Variants in SYT9 observed in about 807,000 individuals in gnomAD.
SYT9 encodes synaptotagmin-9.
Under a neutral mutation model 48.4 loss-of-function variants are expected in SYT9, and 22 were observed. The observed-to-expected ratio is 0.45, with a 90% confidence interval of 0.32 to 0.65. The LOEUF (loss-of-function observed/expected upper bound fraction) is 0.65. Among genes scored for constraint, SYT9 ranks in the 30% least tolerant of loss-of-function variants. The pLI, the probability that SYT9 is intolerant of heterozygous loss-of-function variation, is 0.03. For synonymous variants in SYT9, 265 were observed against 245.0 expected, an observed-to-expected ratio of 1.08 and a Z score of -0.76; for missense variants, 577 against 622.0, an observed-to-expected ratio of 0.93 and a Z score of 0.77.
chr11:7,279,978 A>G (rs1246130048), intron 1 of SYT9, among the ~76,000 whole-genome samples: 2 of 152,216 alleles, frequency 1.3e-5, no homozygotes, highest in African/African-American at 4.8e-5. Flanking sequence ...GTGAAGAGCA[A>G]TGAGGCATAC....
chr11:7,321,059 G>A (rs1036162750), intron 3 of SYT9, among the ~76,000 whole-genome samples: 1 of 151,994 alleles, frequency 6.6e-6, no homozygotes, highest in East Asian at 1.9e-4. Flanking sequence ...CTTAGAAACT[G>A]GTTCGGAGAC....
chr11:7,428,438 G>A (rs1413098124), intron 6 of SYT9, among the ~76,000 whole-genome samples: 1 of 152,192 alleles, frequency 6.6e-6, no homozygotes, highest in Non-Finnish European at 1.5e-5. Flanking sequence ...CCCCGCAGAT[G>A]AAATGAACCA....
At chr11:7,318,687 T>C (rs1419695771) in intron 3 of SYT9, among the ~76,000 whole-genome samples, 1 of 152,212 alleles carries the variant, frequency 6.6e-6, no homozygotes, top group Non-Finnish European at 1.5e-5. Context: ...TAAGCCTTTT[T>C]ATCACACGTA....
chr11:7,362,471 T>C (rs916487940), intron 3 of SYT9, among the ~76,000 whole-genome samples: 2 of 151,842 alleles, frequency 1.3e-5, no homozygotes, highest in African/African-American at 4.8e-5. Flanking sequence ...TGTCCAGAAA[T>C]GGTCACTGAT....
chr11:7,454,167 C>A, intron 6 of SYT9: 5 of 985,408 alleles, frequency 5.1e-6, no homozygotes, highest in Non-Finnish European at 6.0e-6. Context: ...AGAGTCCAAG[C>A]CTCCAGCTCC....
rs142713805 is a variant in SYT9 at position 7,354,925 on chromosome 11, T to C, written c.1044+40984T>C. ...CCTCCACAGATGCTATGGTACCATT[T>C]CTCCCTATGCCTCAGTTTCTCCTAA... On this transcript the variant is annotated intron_variant, in intron 3 of 6. Coordinates refer to ENST00000318881, the MANE Select transcript of SYT9 (RefSeq NM_175733.4). Among the ~76,000 whole-genome samples, 153 of 152,190 alleles carry C rather than the reference T, an allele frequency of 1.0e-3. 1 individual carries two copies. Among genetic ancestry groups the C allele is most frequent in the African/African-American group, 3.4e-3 (142 of 41,516 alleles).
intron 3 of SYT9, among the ~76,000 whole-genome samples, chr11:7,365,888 C>T (rs1188716675): frequency 6.6e-6 from 1 of 152,208 alleles, no homozygotes; most frequent in East Asian, 1.9e-4. Context: ...TCTGTAAGGT[C>T]AGTACTATGC....
At chr11:7,404,053 T>C (rs1270195659) in intron 3 of SYT9, among the ~76,000 whole-genome samples, 1 of 152,236 alleles carries the variant, frequency 6.6e-6, no homozygotes, top group Middle Eastern at 3.2e-3. Flanking sequence ...TTTATTGCTT[T>C]GACATATAAT....
intron 6 of SYT9, among the ~76,000 whole-genome samples, chr11:7,422,720 C>A (rs1017608636): frequency 6.6e-6 from 1 of 151,878 alleles, no homozygotes; most frequent in African/African-American, 2.4e-5. Context: ...AGAGGTGAGC[C>A]CTGATTCATG....
rs369229071 is a variant in SYT9, at chr11:7,396,886, A to G, written c.1045-19156A>G. Among the ~76,000 whole-genome samples, 8 of 152,272 alleles carry G rather than the reference A, an allele frequency of 5.3e-5. No individual in the cohort carries two copies. The South Asian group carries it at 1.7e-3, about 32-fold the overall frequency. ...ATTGTCTGAAATATATGACTTCTAT[A>G]TATTTATACATACAGTCTTTTATTG... On this transcript the variant is annotated intron_variant, in intron 3 of 6. Transcript: ENST00000318881.
chr11:7,383,736 C>T (rs141598842), intron 3 of SYT9, among the ~76,000 whole-genome samples: 232 of 152,210 alleles, frequency 1.5e-3, no homozygotes, highest in African/African-American at 5.2e-3. Context: ...GAGGAGAATG[C>T]GAACAGAAAA....
intron 1 of SYT9, among the ~76,000 whole-genome samples, chr11:7,255,082 A>C (rs1847943341): frequency 6.6e-6 from 1 of 152,214 alleles, no homozygotes; most frequent in Admixed American, 6.5e-5. Flanking sequence ...CAACTTGTGG[A>C]AAGGAAAGTG....
At chr11:7,452,597 C>T (rs1375069336) in intron 6 of SYT9, among the ~76,000 whole-genome samples, 2 of 152,168 alleles carry the variant, frequency 1.3e-5, no homozygotes, top group Non-Finnish European at 2.9e-5. Flanking sequence ...CCCTTCCCTT[C>T]CAGAGTGCTT....
chr11:7,417,216 A>G (rs1305720979), intron 4 of SYT9, among the ~76,000 whole-genome samples: 12 of 152,070 alleles, frequency 7.9e-5, no homozygotes, highest in Admixed American at 4.6e-4. Flanking sequence ...CTGGTCATCT[A>G]AGTCCCTACT....
Position 7,313,534 on chromosome 11 carries a change from G to A in SYT9, c.637G>A (p.Gly213Arg), listed in dbSNP as rs568579361. The A allele has an allele frequency of 5.6e-6, 9 of 1,614,116 alleles. No individual in the cohort carries two copies. The highest frequency in any genetic ancestry group is 2.2e-5 in the East Asian group (1 of 44,876). Residue 213 changes from glycine to arginine, a missense_variant, in exon 3 of 7, where the codon GGG becomes AGG. Gly to Arg is a moderately radical substitution (Grantham distance 125, BLOSUM62 -2). Transcript: ENST00000318881. ...YKQRSLDNDD[G>R]RRSNSKACGK... The stretch of plus-strand genomic sequence containing the variant: ...GCAGAGGTCATTGGATAATGATGAC[G>A]GGAGACGGAGTAACAGCAAGGCTTG...
intron 1 of SYT9, among the ~76,000 whole-genome samples, chr11:7,265,639 GA>G (rs1848165371): frequency 1.3e-5 from 2 of 148,902 alleles, no homozygotes; most frequent in Admixed American, 1.4e-4. Context: ...ACCCAAACTC[GA>G]AAATGTGTTT....
chr11:7,313,268 CA>C, intron 2 of SYT9, 126 bp from the exon 3 acceptor site: 4 of 971,906 alleles, frequency 4.1e-6, no homozygotes, highest in Non-Finnish European at 4.4e-6. Context: ...CACACACACA[CA>C]AAAAAGGCCC....
chr11:7,387,431 C>T (rs1261418631), intron 3 of SYT9, among the ~76,000 whole-genome samples: 3 of 152,110 alleles, frequency 2.0e-5, no homozygotes, highest in African/African-American at 7.2e-5. Flanking sequence ...CTCTATTAAT[C>T]ATCATCAGTA....
chr11:7,426,029 A>C (rs1308970557), intron 6 of SYT9, among the ~76,000 whole-genome samples: 1 of 152,224 alleles, frequency 6.6e-6, no homozygotes, highest in Non-Finnish European at 1.5e-5. Flanking sequence ...GGTAAGAAAC[A>C]GGAAGAGGTA....
Sources: allele counts gnomAD v4.1 joint callset (sites outside exome capture counted in the v4.1 genomes callset), GRCh38; gene constraint gnomAD v4.1.1; transcripts MANE v1.5; gene names NCBI Gene and HGNC (gene_info 2026-07-23, HGNC 2026-07-21).